GRAP2: variants seen among roughly 807,000 people sequenced by gnomAD.
GRAP2 encodes the protein GRB2 related adaptor protein 2, also known as GRB2-related adapter protein 2.
A neutral mutation model predicts 43.5 loss-of-function variants in GRAP2; 31 were observed. The observed-to-expected ratio is 0.71, with a 90% CI of 0.54 to 0.96. GRAP2 has a LOEUF of 0.96. Ranked by LOEUF, GRAP2 falls within the 40% of genes least tolerant of loss-of-function variation. GRAP2 has a pLI of 0.00. For missense variants in GRAP2, 371 were observed against 424.4 expected (o/e 0.87, Z 1.11); for synonymous variants, 156 against 164.8 (o/e 0.95, Z 0.41).
intron 4 of GRAP2, chr22:39,960,815 C>T (rs2067111517): frequency 6.6e-6 from 1 of 152,266 alleles, no homozygotes; most frequent in African/African-American, 2.4e-5. Context: ...AGACCCAAGA[C>T]CCAGGGAAAG....
intron 1 of GRAP2, among the ~76,000 whole-genome samples, chr22:39,921,202 C>T (rs896409163): frequency 6.6e-6 from 1 of 152,198 alleles, no homozygotes; most frequent in East Asian, 1.9e-4. Flanking sequence ...CAAAACCTCA[C>T]AAGCCAGCCA....
intron 1 of GRAP2, among the ~76,000 whole-genome samples, chr22:39,920,937 TACACAGACACACAC>T (rs922674108): frequency 7.0e-5 from 8 of 114,922 alleles, no homozygotes; most frequent in Non-Finnish European, 1.2e-4. Context: ...TTAACTTCTC[TACACAGACACACAC>T]ACACACACAC....
intron 1 of GRAP2, among the ~76,000 whole-genome samples, chr22:39,938,677 G>A (rs145949512): frequency 4.3e-4 from 65 of 152,342 alleles, no homozygotes; most frequent in East Asian, 4.1e-3. Flanking sequence ...TCCTGCCCAC[G>A]CCTCGGTATC....
At chr22:39,969,617 A>G in intron 7 of GRAP2, 84 bp downstream of exon 7, 1 of 1,461,010 alleles carries the variant, frequency 6.8e-7, no homozygotes, top group Non-Finnish European at 9.5e-7. Flanking sequence ...GGAGAGACTC[A>G]AACCACACAG....
At chr22:39,956,562 G>A (rs1479516049) in intron 3 of GRAP2, among the ~76,000 whole-genome samples, 2 of 151,468 alleles carry the variant, frequency 1.3e-5, no homozygotes, top group African/African-American at 2.4e-5. Context: ...GCATGATCTC[G>A]GCTCATTGCA....
rs565994155 is a variant in GRAP2, at chr22:39,918,549, G to A, written c.-15+17219G>A. Among the ~76,000 whole-genome samples the A allele has an allele frequency of 2.0e-5, 3 of 152,180 alleles. No homozygotes were observed. In the South Asian group the frequency reaches 6.2e-4, roughly 32 times the overall value. On this transcript the variant is annotated intron_variant, in intron 1 of 7. Transcript: ENST00000344138. ...TTCCCTTAATTGAAAAAATATTTCTGACCTGAATTTATTATTGTCATAGCT... is the reference window on the plus strand; with the variant it reads ...TTCCCTTAATTGAAAAAATATTTCTAACCTGAATTTATTATTGTCATAGCT...
At chr22:39,907,906 C>T (rs369388967) in intron 1 of GRAP2, among the ~76,000 whole-genome samples, 16 of 152,264 alleles carry the variant, frequency 1.1e-4, no homozygotes, top group Non-Finnish European at 1.9e-4. Context: ...TAATGTCTGC[C>T]GGGACGTAGC....
At chr22:39,910,752 A>AC (rs2066556801) in intron 1 of GRAP2, among the ~76,000 whole-genome samples, 1 of 152,012 alleles carries the variant, frequency 6.6e-6, no homozygotes, top group African/African-American at 2.4e-5. Context: ...AAAAAAAAAA[A>AC]AAAACCCTAG....
intron 3 of GRAP2, among the ~76,000 whole-genome samples, chr22:39,956,284 A>G (rs572315989): frequency 6.6e-6 from 1 of 151,488 alleles, no homozygotes; most frequent in Non-Finnish European, 1.5e-5. Flanking sequence ...CAGCCTCCCA[A>G]GTAGCTGGGA....
At chr22:39,914,043 T>A (rs1164291821) in intron 1 of GRAP2, among the ~76,000 whole-genome samples, 3 of 152,160 alleles carry the variant, frequency 2.0e-5, no homozygotes, top group Non-Finnish European at 4.4e-5. Context: ...TCTGTTGCCC[T>A]GAGAGTCTCT....
At chr22:39,936,460 TTG>T (rs1435757662) in intron 1 of GRAP2, among the ~76,000 whole-genome samples, 1 of 152,140 alleles carries the variant, frequency 6.6e-6, no homozygotes, top group Non-Finnish European at 1.5e-5. Context: ...CTTATTTTTG[TTG>T]TTTTGGATTG....
chr22:39,958,714 A>G (rs2067084280), intron 3 of GRAP2, among the ~76,000 whole-genome samples: 1 of 152,208 alleles, frequency 6.6e-6, no homozygotes, highest in Non-Finnish European at 1.5e-5. Flanking sequence ...CACTTCTGAA[A>G]TGTTTCCTTT....
At chr22:39,903,278 A>C (rs1263851703) in intron 1 of GRAP2, among the ~76,000 whole-genome samples, 1 of 152,148 alleles carries the variant, frequency 6.6e-6, no homozygotes, top group East Asian at 1.9e-4. Flanking sequence ...AAGTTGTTTG[A>C]ATCAAACAAT....
At chr22:39,917,143 TG>T (rs1244629724) in intron 1 of GRAP2, among the ~76,000 whole-genome samples, 1 of 152,212 alleles carries the variant, frequency 6.6e-6, no homozygotes, top group Non-Finnish European at 1.5e-5. Context: ...AGTGTAATTT[TG>T]TTGGTAGTGA....
intron 1 of GRAP2, among the ~76,000 whole-genome samples, chr22:39,909,373 T>C (rs557404227): frequency 6.6e-6 from 1 of 152,194 alleles, no homozygotes; most frequent in African/African-American, 2.4e-5. Context: ...ATCCACAACT[T>C]CCATTTTTAA....
chr22:39,961,324 G>A (rs2067117506), intron 4 of GRAP2, among the ~76,000 whole-genome samples: 1 of 152,114 alleles, frequency 6.6e-6, no homozygotes, highest in African/African-American at 2.4e-5. Flanking sequence ...GCAGGAGAAG[G>A]CCAAAGGAAG....
upstream of GRAP2, among the ~76,000 whole-genome samples, chr22:39,897,182 C>T (rs898486962): frequency 6.6e-6 from 1 of 152,166 alleles, no homozygotes; most frequent in Non-Finnish European, 1.5e-5. Flanking sequence ...GCCTTCCAAA[C>T]CTTCTCTCCC....
chr22:39,942,092 TTATAGAGTGAGCCTCCA>T (rs1230097809), intron 1 of GRAP2, among the ~76,000 whole-genome samples: 1 of 152,192 alleles, frequency 6.6e-6, no homozygotes, highest in Non-Finnish European at 1.5e-5. Context: ...CAGGGTTCCT[TTATAGAGTGAGCCTCCA>T]TAATACATGC....
At chr22:39,937,785 G>A (rs972051409) in intron 1 of GRAP2, among the ~76,000 whole-genome samples, 1 of 152,164 alleles carries the variant, frequency 6.6e-6, no homozygotes, top group African/African-American at 2.4e-5. Context: ...TTTGAAGCCA[G>A]GTCTGACACC....
Sources: allele counts gnomAD v4.1 joint callset (sites outside exome capture counted in the v4.1 genomes callset), GRCh38; gene constraint gnomAD v4.1.1; transcripts MANE v1.5; gene names NCBI Gene and HGNC (gene_info 2026-07-23, HGNC 2026-07-21).